BEND2: variants seen among roughly 807,000 people sequenced by gnomAD.
BEND2 encodes BEN domain-containing protein 2.
BEND2 carries 19 observed loss-of-function variants against 43.8 expected under a neutral mutation model. That is an observed-to-expected ratio of 0.43 (90% confidence interval 0.30 to 0.64). BEND2 has a LOEUF of 0.64. Ranked by LOEUF, BEND2 falls within the 30% of genes least tolerant of loss-of-function variation. The probability of loss-of-function intolerance (pLI) is 0.11; values close to 1 mark genes in which losing one functional copy is unlikely to be tolerated. For synonymous variants in BEND2, 226 were observed against 210.1 expected, an observed-to-expected ratio of 1.08 and a Z score of -0.66; for missense variants, 544 against 574.0, an observed-to-expected ratio of 0.95 and a Z score of 0.53.
At chrX:18,208,751 A>G (rs1195250336) in intron 4 of BEND2, among the ~76,000 whole-genome samples, 4 of 111,313 alleles carry the variant, frequency 3.6e-5, no homozygotes, top group Non-Finnish European at 7.5e-5. Flanking sequence ...GTATGAACAT[A>G]TAGTTTTAAT....
intron 7 of BEND2, among the ~76,000 whole-genome samples, chrX:18,194,443 G>A (rs1924873068): frequency 9.1e-6 from 1 of 109,929 alleles, no homozygotes; most frequent in Admixed American, 9.7e-5. Flanking sequence ...CTGTACCATG[G>A]AAAGGAAGGA....
chrX:18,188,303 A>C (rs1924639669), intron 8 of BEND2, among the ~76,000 whole-genome samples: 1 of 111,694 alleles, frequency 9.0e-6, no homozygotes, highest in African/African-American at 3.2e-5. Flanking sequence ...CTAACTAAGA[A>C]AAAGAGACAG....
chrX:18,183,575 T>C (rs1021305000), intron 8 of BEND2, among the ~76,000 whole-genome samples: 1 of 112,180 alleles, frequency 8.9e-6, no homozygotes, highest in Non-Finnish European at 1.9e-5. Flanking sequence ...GGGTACAAAG[T>C]GGGCTCTTGG....
intron 4 of BEND2, among the ~76,000 whole-genome samples, chrX:18,212,261 AT>A (rs1210996455): frequency 2.4e-4 from 25 of 105,033 alleles, no homozygotes; most frequent in Admixed American, 5.1e-4. Context: ...CGCCAAGCTA[AT>A]TTTTTTTTTT....
chrX:18,214,210 G>A (rs769005940), intron 2 of BEND2, among the ~76,000 whole-genome samples: 15 of 111,319 alleles, frequency 1.3e-4, no homozygotes, highest in Non-Finnish European at 2.8e-4. Context: ...ATTGAGCCCC[G>A]GAGTTCAAGT....
At position 18,183,105 on chromosome X, in the gene BEND2, C is replaced by A. The variant is rs1271352528; in HGVS notation, c.1289-2455G>T. ...GAACATCAGCAAGGACAGAGAAGACCTGAGTAACACACAACCAACCAACAG... is the reference window on the plus strand; with the variant it reads ...GAACATCAGCAAGGACAGAGAAGACATGAGTAACACACAACCAACCAACAG... On this transcript the variant is annotated intron_variant, in intron 8 of 13. Transcript: ENST00000380033. Among the ~76,000 whole-genome samples, 4 of 105,725 alleles carry A rather than the reference C, an allele frequency of 3.8e-5. No individual in the cohort carries two copies. In the Admixed American group the frequency reaches 4.1e-4, roughly 11 times the overall value. 91.8% of individuals were successfully genotyped at this position (105,725 alleles called of 115,157 possible).
intron 2 of BEND2, among the ~76,000 whole-genome samples, chrX:18,214,468 AATTT>A (rs1407701139): frequency 9.0e-6 from 1 of 111,045 alleles, no homozygotes; most frequent in Non-Finnish European, 1.9e-5. Flanking sequence ...ATTACTTTGA[AATTT>A]ATTTAAGCTG....
intron 12 of BEND2, among the ~76,000 whole-genome samples, chrX:18,172,737 T>C (rs1236328420): frequency 1.8e-5 from 2 of 110,908 alleles, no homozygotes; most frequent in African/African-American, 6.6e-5. Context: ...TTTTGCAGAC[T>C]GATTTATAAT....
intron 4 of BEND2, among the ~76,000 whole-genome samples, chrX:18,209,163 C>T (rs1925431566): frequency 9.0e-6 from 1 of 111,425 alleles, no homozygotes; most frequent in Admixed American, 9.6e-5. Context: ...CAATAAATGT[C>T]CATGAGTCAA....
chrX:18,203,062 T>C (rs930924896), intron 5 of BEND2, among the ~76,000 whole-genome samples: 1 of 111,407 alleles, frequency 9.0e-6, no homozygotes, highest in African/African-American at 3.3e-5. Flanking sequence ...ATAACAATAT[T>C]GAAGTGACAA....
intron 7 of BEND2, among the ~76,000 whole-genome samples, chrX:18,192,517 C>A (rs1924804610): frequency 8.9e-6 from 1 of 112,111 alleles, no homozygotes; most frequent in South Asian, 3.7e-4. Flanking sequence ...ATGATACAGT[C>A]TCTCTGGAAT....
intron 4 of BEND2, 30 bp from the exon 5 acceptor site, chrX:18,203,945 A>C (rs1925254915): frequency 1.8e-6 from 2 of 1,123,299 alleles, no homozygotes; most frequent in African/African-American, 1.8e-5. Flanking sequence ...AGAATGAGTA[A>C]AGTTATTTTC....
At chrX:18,170,867 CTAA>C in intron 13 of BEND2, 131 bp downstream of exon 13, 2 of 1,085,159 alleles carry the variant, frequency 1.8e-6, no homozygotes, top group Non-Finnish European at 2.5e-6. Flanking sequence ...TTGCTGTACT[CTAA>C]TGAGGCACTC....
intron 1 of BEND2, among the ~76,000 whole-genome samples, chrX:18,217,712 C>G (rs1268908015): frequency 9.0e-6 from 1 of 110,958 alleles, no homozygotes; most frequent in Non-Finnish European, 1.9e-5. Flanking sequence ...TTATCTAAAC[C>G]AAAGTATTAA....
rs199497610 is a variant in BEND2, at chrX:18,213,748, CTAAAAA to C, written c.376+20_376+25del. The C allele has an allele frequency of 4.6e-5, 7 of 150,544 alleles. No individual in the cohort carries two copies. The highest frequency in any genetic ancestry group is 2.8e-4 in the East Asian group (1 of 3,625). The allele number at this position is 150,544 out of a possible 1,213,427, so 12.4% of individuals were successfully genotyped here. On this transcript the variant is annotated intron_variant, in intron 3 of 13. Coordinates refer to ENST00000380033, the MANE Select transcript of BEND2 (RefSeq NM_153346.5). ...GCAACATAGCAAGATATCATCTCTA[CTAAAAA>C]TAAAAATAAAAATAAATACCTGGGC...
chrX:18,194,076 A>AT (rs1192745494), intron 7 of BEND2, among the ~76,000 whole-genome samples: 1 of 112,011 alleles, frequency 8.9e-6, no homozygotes, highest in East Asian at 2.8e-4. Context: ...AAAAGATACT[A>AT]TAAGAGAAGA....
At position 18,174,089 on chromosome X, in the gene BEND2, A is replaced by T; in HGVS notation, c.1922T>A (p.Ile641Asn). Residue 641 changes from isoleucine (I) to asparagine (N), a missense_variant, in exon 12 of 14, where the codon ATC becomes AAC. Physicochemically the swap from Ile to Asn is moderately radical, Grantham distance 149. Coordinates refer to ENST00000380033, the MANE Select transcript of BEND2 (RefSeq NM_153346.5). ...KRNLQPNSNA[I>N]PEGMREPSTD... ...GGAAGGTTCTCGCATTCCTTCAGGG[A>T]TAGCATTACTGTTTGGCTGCAAGTT... 8.3e-7 allele frequency: 1 copy of T among 1,211,580 alleles called. No homozygotes were observed. Among genetic ancestry groups the T allele is most frequent in the Non-Finnish European group, 1.1e-6 (1 of 895,425 alleles).
intron 12 of BEND2, among the ~76,000 whole-genome samples, chrX:18,173,781 C>CA (rs1409111783): frequency 8.9e-6 from 1 of 112,113 alleles, no homozygotes; most frequent in East Asian, 2.8e-4. Context: ...TCAGAACTCA[C>CA]ACAGTCCAGT....
chrX:18,171,367 A>G (rs1923972382), intron 12 of BEND2, among the ~76,000 whole-genome samples, 163 bp from the exon 13 acceptor site: 3 of 112,396 alleles, frequency 2.7e-5, no homozygotes, highest in Admixed American at 9.5e-5. Flanking sequence ...TTAAAGACAG[A>G]GTCTTGCTTT....
Sources: allele counts gnomAD v4.1 joint callset (sites outside exome capture counted in the v4.1 genomes callset), GRCh38; gene constraint gnomAD v4.1.1; transcripts MANE v1.5; gene names NCBI Gene and HGNC (gene_info 2026-07-23, HGNC 2026-07-21).